HSD17B7: variants seen among roughly 807,000 people sequenced by gnomAD.
HSD17B7 encodes 3-keto-steroid reductase/17-beta-hydroxysteroid dehydrogenase 7.
Under a neutral mutation model 34.1 loss-of-function variants are expected in HSD17B7, and 17 were observed. The ratio of observed to expected loss-of-function variants is 0.50; its 90% CI spans 0.34 to 0.75. The LOEUF (loss-of-function observed/expected upper bound fraction) is 0.75. Among genes scored for constraint, HSD17B7 ranks in the 30% least tolerant of loss-of-function variants. The pLI, the probability that HSD17B7 is intolerant of heterozygous loss-of-function variation, is 0.01. For missense variants in HSD17B7, 296 were observed against 406.6 expected, an observed-to-expected ratio of 0.73 and a Z score of 2.34; for synonymous variants, 122 against 154.6, an observed-to-expected ratio of 0.79 and a Z score of 1.56.
In HSD17B7 at chr1:162,804,320, T is replaced by C. The variant is rs145021192; in HGVS notation, c.801T>C (p.Ala267=). Reference sequence around the variant, plus strand: ...TGACACCATATAATGGAACAGAAGCTCTGGTATGTTACTGAAGTTTTTATA... The same window carrying C: ...TGACACCATATAATGGAACAGAAGCCCTGGTATGTTACTGAAGTTTTTATA... ...FTLTPYNGTE[A]LVWLFHQKPE... The change falls in exon 7 of 9, where the codon GCT becomes GCC. Residue 267 remains alanine (A), a synonymous_variant. Coordinates refer to ENST00000254521, the MANE Select transcript of HSD17B7 (RefSeq NM_016371.4). The C allele has an allele frequency of 2.0e-5, 32 of 1,586,970 alleles. No homozygotes were observed. In the Middle Eastern group the frequency reaches 6.7e-4, roughly 33 times the overall value.
chr1:162,812,631 T>C lies in HSD17B7; in HGVS notation c.*211T>C, dbSNP rs1649202032. 2 of 388,128 alleles carry C rather than the reference T, an allele frequency of 5.2e-6. No homozygotes were observed. The highest frequency in any genetic ancestry group is 1.0e-4 in the South Asian group (2 of 19,096). The allele number at this position is 388,128 out of a possible 1,614,324, so 24.0% of individuals were successfully genotyped here. ...AGGCAGAGGTTGCAGTGAGCTGAGA[T>C]TGTGCCACTGCACTCCAGCCTGGGT... On this transcript the variant is annotated 3_prime_UTR_variant, in exon 9 of 9. Transcript: ENST00000254521.
At chr1:162,807,323 A>C (rs1649018157) in intron 8 of HSD17B7, among the ~76,000 whole-genome samples, 1 of 152,200 alleles carries the variant, frequency 6.6e-6, no homozygotes, top group Admixed American at 6.5e-5. Context: ...TTATGGCTGC[A>C]TAGTATTCTA....
intron 1 of HSD17B7, among the ~76,000 whole-genome samples, chr1:162,791,051 C>T (rs969527877): frequency 1.6e-4 from 24 of 151,300 alleles, no homozygotes; most frequent in African/African-American, 5.8e-4. Flanking sequence ...AAAACTAGAG[C>T]ATCAGTAAGT....
chr1:162,796,693 T>C lies in HSD17B7; in HGVS notation c.332+16T>C. On this transcript the variant is annotated intron_variant, in intron 3 of 8. Coordinates refer to ENST00000254521, the MANE Select transcript of HSD17B7 (RefSeq NM_016371.4). ...TCTTTTCAAGGTAATTTTCGTTTTATGGATGAACTGATTGGAAGGAATGTG... is the reference window on the plus strand; with the variant it reads ...TCTTTTCAAGGTAATTTTCGTTTTACGGATGAACTGATTGGAAGGAATGTG... The C allele has an allele frequency of 1.4e-6, 2 of 1,399,524 alleles. No individual in the cohort carries two copies. The highest frequency in any genetic ancestry group is 2.0e-6 in the Non-Finnish European group (2 of 983,274). The allele number at this position is 1,399,524 out of a possible 1,614,324, so 86.7% of individuals were successfully genotyped here.
chr1:162,805,573 C>A (rs759108298), intron 8 of HSD17B7, 81 bp downstream of exon 8: 8 of 1,550,550 alleles, frequency 5.2e-6, no homozygotes, highest in African/African-American at 1.4e-5. Context: ...GCCCCTCAGC[C>A]CCCCAGCTTC....
At position 162,790,788 on chromosome 1, in the gene HSD17B7, T is replaced by C. The variant is rs768165970; in HGVS notation, c.-13T>C. On this transcript the variant is annotated 5_prime_UTR_variant, in exon 1 of 9. Transcript: ENST00000254521. Reference sequence around the variant, plus strand: ...GTGTTTGCTTCACTGCTTGGAAGTGTGAGTGCGCGAAGATGCGAAAGGTGG... The same window carrying C: ...GTGTTTGCTTCACTGCTTGGAAGTGCGAGTGCGCGAAGATGCGAAAGGTGG... 6 of 1,610,344 alleles carry C rather than the reference T, an allele frequency of 3.7e-6. No individual in the cohort carries two copies. Among genetic ancestry groups the C allele is most frequent in the Non-Finnish European group, 5.1e-6 (6 of 1,178,112 alleles).
Position 162,804,120 on chromosome 1 carries a change from G to A in HSD17B7, c.748-147G>A, listed in dbSNP as rs540327727. ...TTTGGAATAATGGAGATTAAATGATGTTTCTTTTTTGACTTCTTTATTTTT... is the reference window on the plus strand; with the variant it reads ...TTTGGAATAATGGAGATTAAATGATATTTCTTTTTTGACTTCTTTATTTTT... On this transcript the variant is annotated intron_variant, in intron 6 of 8. Coordinates refer to ENST00000254521, the MANE Select transcript of HSD17B7 (RefSeq NM_016371.4). The A allele has an allele frequency of 1.0e-5, 6 of 574,520 alleles. No individual in the cohort carries two copies. In the South Asian group the frequency reaches 1.5e-4, roughly 15 times the overall value. The allele number at this position is 574,520 out of a possible 1,614,324, so 35.6% of individuals were successfully genotyped here.
At position 162,803,447 on chromosome 1, in the gene HSD17B7, T is replaced by A. The variant is rs752442127; in HGVS notation, c.659T>A (p.Val220Glu). 4 of 1,612,718 alleles carry A rather than the reference T, an allele frequency of 2.5e-6. No homozygotes were observed. In the African/African-American group the frequency reaches 5.3e-5, roughly 22 times the overall value. ...NFNQQGLYSN[V>E]ACPGTALTNL... ...TGTTCCTAGGGTCTCTATTCCAATG[T>A]GGCCTGTCCAGGTACAGCATTGACC... Residue 220 changes from valine to glutamate, a missense_variant, in exon 6 of 9, where the codon GTG (valine) becomes GAG (glutamate). Transcript: ENST00000254521.
intron 8 of HSD17B7, among the ~76,000 whole-genome samples, chr1:162,810,502 C>A (rs1407999680): frequency 1.3e-5 from 2 of 152,084 alleles, no homozygotes; most frequent in Non-Finnish European, 2.9e-5. Flanking sequence ...TCCTGGATAT[C>A]CTTGTTAACT....
Position 162,807,930 on chromosome 1 carries a change from T to G in HSD17B7, c.903+2438T>G, listed in dbSNP as rs558912787. 9.9e-5 allele frequency among the ~76,000 whole-genome samples: 15 copies of G among 152,266 alleles called. 1 individual carries two copies. In the South Asian group the frequency reaches 2.5e-3, roughly 25 times the overall value. ...TCCCATTCTGTAGGTTGCCTTCCTC[T>G]GATGGTAGTTTCTCTTGCTTTGCAG... On this transcript the variant is annotated intron_variant, in intron 8 of 8. Transcript: ENST00000254521.
chr1:162,808,134 T>A (rs908305062), intron 8 of HSD17B7, among the ~76,000 whole-genome samples: 1 of 152,166 alleles, frequency 6.6e-6, no homozygotes, highest in African/African-American at 2.4e-5. Context: ...CATCTCGAAT[T>A]AATTTTTGTA....
At position 162,808,972 on chromosome 1, in the gene HSD17B7, C is replaced by T. The variant is rs779469362; in HGVS notation, c.904-3326C>T. ...GAATACCCTTTATTTCTTTCTCCTG[C>T]CTGATTGCCCTGGCCAGAACTTCCA... On this transcript the variant is annotated intron_variant, in intron 8 of 8. Transcript: ENST00000254521. Among the ~76,000 whole-genome samples, 157 of 152,284 alleles carry T rather than the reference C, an allele frequency of 1.0e-3. 1 individual carries two copies. Among genetic ancestry groups the T allele is most frequent in the Admixed American group, 5.2e-4 (8 of 15,306 alleles).
chr1:162,809,211 C>T (rs1409847655), intron 8 of HSD17B7, among the ~76,000 whole-genome samples: 2 of 152,186 alleles, frequency 1.3e-5, no homozygotes, highest in Admixed American at 6.5e-5. Flanking sequence ...GCCTTTTCTG[C>T]ATCTGTTGAG....
intron 8 of HSD17B7, among the ~76,000 whole-genome samples, chr1:162,808,558 T>C (rs959900722): frequency 2.0e-5 from 3 of 152,054 alleles, no homozygotes; most frequent in Admixed American, 6.6e-5. Context: ...TTACCTTGGG[T>C]AGTATGGCCA....
chr1:162,805,289 T>A, intron 7 of HSD17B7, 105 bp from the exon 8 acceptor site: 2 of 1,441,932 alleles, frequency 1.4e-6, no homozygotes, highest in Non-Finnish European at 1.8e-6. Flanking sequence ...AGAGGATGTT[T>A]ATAATTTGTC....
chr1:162,792,937 GA>G, intron 2 of HSD17B7, 75 bp downstream of exon 2: 1 of 1,434,502 alleles, frequency 7.0e-7, no homozygotes, highest in Admixed American at 1.8e-5. Context: ...AGAGAGGAAA[GA>G]AAAACCTGAA....
In HSD17B7 at chr1:162,792,833, C is replaced by G. The variant is rs2102228498; in HGVS notation, c.210C>G (p.Val70=). ...VQVDVSNLQS[V]FRASKELKQR... ...TGGATGTCAGCAACCTGCAGTCGGT[C>G]TTCCGGGCCTCCAAGGAACTTAAGC... The change falls in exon 2 of 9, where the codon GTC becomes GTG. Residue 70 remains valine (V), a synonymous_variant. Coordinates refer to ENST00000254521, the MANE Select transcript of HSD17B7 (RefSeq NM_016371.4). 1 of 1,614,212 alleles carries G rather than the reference C, an allele frequency of 6.2e-7. No homozygotes were observed. Among genetic ancestry groups the G allele is most frequent in the Non-Finnish European group, 8.5e-7 (1 of 1,180,044 alleles).
chr1:162,795,874 G>T (rs1396460901), intron 2 of HSD17B7, among the ~76,000 whole-genome samples: 2 of 142,226 alleles, frequency 1.4e-5, no homozygotes, highest in Non-Finnish European at 3.2e-5. Flanking sequence ...CTTAGATGAA[G>T]ACTTACATAG....
rs769059069 is a variant in HSD17B7, at chr1:162,803,486, G to C, written c.698G>C (p.Gly233Ala). Residue 233 changes from glycine to alanine, a missense_variant, in exon 6 of 9, where the codon GGA (glycine) becomes GCA (alanine). Gly to Ala is a moderately conservative substitution (Grantham distance 60). Coordinates refer to ENST00000254521, the MANE Select transcript of HSD17B7 (RefSeq NM_016371.4). ...PGTALTNLTY[G>A]ILPPFIWTLL... ...ACAGCATTGACCAATTTGACATATG[G>C]AATTCTGCCTCCGTTTATATGGACG... 1 of 1,613,048 alleles carries C rather than the reference G, an allele frequency of 6.2e-7. No homozygotes were observed. The highest frequency in any genetic ancestry group is 1.3e-5 in the African/African-American group (1 of 74,950).
Sources: allele counts gnomAD v4.1 joint callset (sites outside exome capture counted in the v4.1 genomes callset), GRCh38; gene constraint gnomAD v4.1.1; transcripts MANE v1.5; gene names NCBI Gene and HGNC (gene_info 2026-07-23, HGNC 2026-07-21).